Variants in PDCD10 observed in about 807,000 individuals in gnomAD.
PDCD10 encodes the protein programmed cell death 10.
PDCD10 carries 4 observed loss-of-function variants against 29.2 expected under a neutral mutation model. The observed-to-expected ratio is 0.14, with a 90% confidence interval of 0.07 to 0.31. The LOEUF (loss-of-function observed/expected upper bound fraction) is 0.31. PDCD10 is among the 10% of genes least tolerant of loss of function. The pLI is 1.00. For missense variants in PDCD10, 183 were observed against 257.9 expected (o/e 0.71, Z 1.99); for synonymous variants, 70 against 82.2 (o/e 0.85, Z 0.80).
intron 6 of PDCD10, among the ~76,000 whole-genome samples, chr3:167,695,159 C>A (rs1278162174): frequency 6.6e-6 from 1 of 152,156 alleles, no homozygotes; most frequent in Non-Finnish European, 1.5e-5. Context: ...AACCTATATC[C>A]CCCAAAGGCA....
intron 3 of PDCD10, among the ~76,000 whole-genome samples, chr3:167,716,232 G>C (rs1481219772): frequency 1.3e-5 from 2 of 151,936 alleles, no homozygotes; most frequent in Non-Finnish European, 2.9e-5. Flanking sequence ...TTGAACTCAT[G>C]GAGATAGAGA....
In PDCD10 at chr3:167,697,030, TAC is replaced by T. The variant is rs1720888902; in HGVS notation, c.245_246del (p.Arg82HisfsTer4). The T allele has an allele frequency of 6.3e-7, 1 of 1,589,014 alleles. No homozygotes were observed. Among genetic ancestry groups the T allele is most frequent in the Non-Finnish European group, 8.6e-7 (1 of 1,157,262 alleles). On this transcript the variant is annotated frameshift_variant, in exon 5 of 9. Transcript: ENST00000392750. LOFTEE classifies it high-confidence loss of function. ...TTACCTTCTACATCATCAGCTGCCA[TAC>T]GAAGAAGGGACTCCGTGAAGTTAAC... ...VEVNFTESLL[R>X]MAADDVEEYM... is the part of the protein sequence containing the mutation.
rs182501365 is a variant in PDCD10 at position 167,695,614 on chromosome 3, C to A, written c.377G>T (p.Arg126Met). The A allele has an allele frequency of 1.5e-5, 24 of 1,613,446 alleles. No homozygotes were observed. Among genetic ancestry groups the A allele is most frequent in the Non-Finnish European group, 1.7e-5 (20 of 1,179,414 alleles). Residue 126 changes from arginine to methionine, a missense_variant, in exon 6 of 9, where the codon AGG (arginine) becomes ATG (methionine). Coordinates refer to ENST00000392750, the MANE Select transcript of PDCD10 (RefSeq NM_007217.4). Reference protein sequence around the residue: ...KIPDEINDRVRFLQTIKDIAS... With the variant: ...KIPDEINDRVMFLQTIKDIAS... ...TGCTTACTTGATTGTCTGCAGAAAC[C>A]TCACTCTGTCATTGATCTCATCTGG...
At chr3:167,684,697 G>C (rs939067888) in intron 8 of PDCD10, among the ~76,000 whole-genome samples, 2 of 151,980 alleles carry the variant, frequency 1.3e-5, no homozygotes, top group Non-Finnish European at 2.9e-5. Flanking sequence ...ATTCAGATGT[G>C]GTCTCCAGCT....
At chr3:167,722,969 C>G (rs1723741550) in intron 2 of PDCD10, among the ~76,000 whole-genome samples, 1 of 152,154 alleles carries the variant, frequency 6.6e-6, no homozygotes, top group African/African-American at 2.4e-5. Flanking sequence ...AGTATTTTGG[C>G]AACATCATGG....
intron 4 of PDCD10, among the ~76,000 whole-genome samples, chr3:167,701,755 C>G (rs569716391): frequency 6.6e-6 from 1 of 152,180 alleles, no homozygotes; most frequent in Admixed American, 6.5e-5. Context: ...AATTACACCA[C>G]TGATGCTACT....
At chr3:167,703,313 A>T (rs1721632819) in intron 4 of PDCD10, among the ~76,000 whole-genome samples, 1 of 152,126 alleles carries the variant, frequency 6.6e-6, no homozygotes. Flanking sequence ...TTGCTTCATT[A>T]ACCCAATGAT....
Position 167,720,212 on chromosome 3 carries a change from T to G in PDCD10, c.-55A>C. On this transcript the variant is annotated 5_prime_UTR_variant, in exon 3 of 9. Transcript: ENST00000392750. ...TGCTAAAATGCAGAGGAATCTTCAT[T>G]CACTGCAATATTTCTTCTCTTTTTT... 9.3e-7 allele frequency: 1 copy of G among 1,077,812 alleles called. No individual in the cohort carries two copies. Among genetic ancestry groups the G allele is most frequent in the Non-Finnish European group, 1.4e-6 (1 of 692,414 alleles). 66.8% of individuals were successfully genotyped at this position (1,077,812 alleles called of 1,614,324 possible). A position where few individuals can be genotyped will look rare whatever the true frequency, so the allele number is the denominator to read the frequency against.
intron 8 of PDCD10, among the ~76,000 whole-genome samples, chr3:167,686,930 T>C (rs1719687112): frequency 6.6e-6 from 1 of 152,194 alleles, no homozygotes; most frequent in South Asian, 2.1e-4. Flanking sequence ...TGTTTGTACA[T>C]TGTCTATGGC....
chr3:167,728,550 A>C, intron 2 of PDCD10, among the ~76,000 whole-genome samples: 1 of 152,208 alleles, frequency 6.6e-6, no homozygotes, highest in East Asian at 1.9e-4. Context: ...AGAAACAATC[A>C]TTTATTTTTC....
chr3:167,712,646 T>C (rs1722628282), intron 3 of PDCD10, among the ~76,000 whole-genome samples: 1 of 151,900 alleles, frequency 6.6e-6, no homozygotes, highest in African/African-American at 2.4e-5. Context: ...GTGAATGGAC[T>C]AAACTAGTCA....
chr3:167,684,426 C>A, intron 8 of PDCD10, 37 bp from the exon 9 acceptor site: 1 of 1,211,494 alleles, frequency 8.3e-7, no homozygotes, highest in Non-Finnish European at 1.2e-6. Context: ...TAATTTCATC[C>A]AAAAAATTCA....
At chr3:167,698,067 C>T (rs911637113) in intron 4 of PDCD10, 17 of 446,726 alleles carry the variant, frequency 3.8e-5, no homozygotes, top group Non-Finnish European at 6.3e-5. Context: ...GCACACTTAA[C>T]CTCCGCCTCT....
chr3:167,733,099 T>C (rs1724983398), intron 2 of PDCD10, among the ~76,000 whole-genome samples: 1 of 152,222 alleles, frequency 6.6e-6, no homozygotes, highest in Non-Finnish European at 1.5e-5. Flanking sequence ...AAAAATGTTT[T>C]TCCATTAAAA....
intron 2 of PDCD10, among the ~76,000 whole-genome samples, chr3:167,725,801 A>C: frequency 1.0e-5 from 1 of 97,980 alleles, no homozygotes; most frequent in East Asian, 3.0e-4. Context: ...ATATATATAT[A>C]TATATATATA....
intron 2 of PDCD10, among the ~76,000 whole-genome samples, chr3:167,728,216 G>C (rs991011418): frequency 6.8e-6 from 1 of 147,632 alleles, no homozygotes; most frequent in South Asian, 2.1e-4. Context: ...AAGACATAGA[G>C]AAAGATGTGC....
chr3:167,699,533 C>A (rs1356916760), intron 4 of PDCD10, among the ~76,000 whole-genome samples: 2 of 152,156 alleles, frequency 1.3e-5, no homozygotes, highest in African/African-American at 4.8e-5. Context: ...CTCTGACTGA[C>A]AAAATGAATA....
At chr3:167,719,849 T>C (rs1723396462) in intron 3 of PDCD10, among the ~76,000 whole-genome samples, 2 of 152,134 alleles carry the variant, frequency 1.3e-5, no homozygotes, top group Non-Finnish European at 2.9e-5. Flanking sequence ...TTTTATTAAA[T>C]GTCTCTTTCC....
At chr3:167,702,734 T>C (rs1298982035) in intron 4 of PDCD10, among the ~76,000 whole-genome samples, 1 of 152,218 alleles carries the variant, frequency 6.6e-6, no homozygotes, top group East Asian at 1.9e-4. Context: ...AAAGATTTTA[T>C]GACTGGTGAG....
Sources: gnomAD v4.1 joint callset for allele counts (sites outside exome capture counted in the v4.1 genomes callset) on GRCh38, gnomAD v4.1.1 for gene constraint, MANE v1.5 for transcripts, NCBI Gene and HGNC (gene_info 2026-07-23, HGNC 2026-07-21) for gene names.